Variants in ADK observed in about 807,000 individuals in gnomAD.
ADK encodes the protein N6,N6-dimethyladenosine kinase.
Under a neutral mutation model 44.7 loss-of-function variants are expected in ADK, and 24 were observed. The ratio of observed to expected loss-of-function variants is 0.54; its 90% CI spans 0.39 to 0.76. The LOEUF (loss-of-function observed/expected upper bound fraction) is 0.76, where lower values mean the gene tolerates loss of function less well. Among genes scored for constraint, ADK ranks in the 30% least tolerant of loss-of-function variants. The pLI, the probability that ADK is intolerant of heterozygous loss-of-function variation, is 0.00. For missense variants in ADK, 321 were observed against 425.1 expected, an observed-to-expected ratio of 0.76 and a Z score of 2.15; for synonymous variants, 128 against 142.6, an observed-to-expected ratio of 0.90 and a Z score of 0.73.
intron 7 of ADK, among the ~76,000 whole-genome samples, chr10:74,556,701 T>G (rs1850259997): frequency 6.6e-6 from 1 of 152,176 alleles, no homozygotes; most frequent in South Asian, 2.1e-4. Context: ...TAGGACTCTG[T>G]TTTAGAATTT....
intron 10 of ADK, among the ~76,000 whole-genome samples, chr10:74,671,640 T>G (rs1183676427): frequency 1.3e-5 from 2 of 152,266 alleles, no homozygotes; most frequent in Non-Finnish European, 2.9e-5. Flanking sequence ...AATATTTTAT[T>G]CTGAATTTAA....
chr10:74,620,068 C>A (rs1852929405), intron 9 of ADK, among the ~76,000 whole-genome samples: 1 of 152,134 alleles, frequency 6.6e-6, no homozygotes, highest in Non-Finnish European at 1.5e-5. Context: ...CAGAGCAGAG[C>A]AATTAGCATA....
intron 3 of ADK, among the ~76,000 whole-genome samples, chr10:74,306,169 A>G (rs528394894): frequency 2.0e-5 from 3 of 151,958 alleles, no homozygotes; most frequent in Admixed American, 1.3e-4. Context: ...TGTCCTGCAG[A>G]TTGGAAAATT....
chr10:74,510,963 C>T (rs1848294714), intron 6 of ADK, among the ~76,000 whole-genome samples: 1 of 152,220 alleles, frequency 6.6e-6, no homozygotes, highest in African/African-American at 2.4e-5. Flanking sequence ...CTGCCTTGAC[C>T]TCCCAAGATG....
intron 6 of ADK, among the ~76,000 whole-genome samples, chr10:74,458,065 ATCT>A (rs1439110909): frequency 1.3e-5 from 2 of 151,074 alleles, no homozygotes; most frequent in African/African-American, 4.9e-5. Context: ...GGTATTTCAC[ATCT>A]TCTTGAATGT....
chr10:74,424,535 C>CAAAAAAAAAAAAAAAA (rs57106986), intron 6 of ADK, among the ~76,000 whole-genome samples: 10 of 58,460 alleles, frequency 1.7e-4, no homozygotes, highest in African/African-American at 7.3e-4. Flanking sequence ...AACTCCGTCT[C>CAAAAAAAAAAAAAAAA]AAAAAAAAAA....
intron 10 of ADK, among the ~76,000 whole-genome samples, chr10:74,670,851 T>C (rs1418262395): frequency 6.6e-6 from 1 of 152,068 alleles, no homozygotes; most frequent in African/African-American, 2.4e-5. Context: ...CTTGGCTTGA[T>C]GACTTAGATT....
intron 6 of ADK, among the ~76,000 whole-genome samples, chr10:74,470,863 A>G (rs1846559730): frequency 6.6e-6 from 1 of 151,914 alleles, no homozygotes. Flanking sequence ...TACCAAATTC[A>G]TTGCTGTGAA....
chr10:74,578,002 G>A (rs1328539752), intron 7 of ADK, among the ~76,000 whole-genome samples: 1 of 151,926 alleles, frequency 6.6e-6, no homozygotes, highest in Non-Finnish European at 1.5e-5. Context: ...CCAGAGTAGA[G>A]TAAGTTACGG....
At chr10:74,191,286 T>G (rs1842943631) in intron 1 of ADK, among the ~76,000 whole-genome samples, 1 of 152,036 alleles carries the variant, frequency 6.6e-6, no homozygotes. Context: ...GCCCAAGTCT[T>G]GACATTTTTT....
intron 7 of ADK, among the ~76,000 whole-genome samples, chr10:74,584,982 T>C (rs1254844014): frequency 1.3e-5 from 2 of 152,214 alleles, no homozygotes; most frequent in Non-Finnish European, 2.9e-5. Context: ...AGATGAAATA[T>C]AGAGAAAGTT....
chr10:74,330,500 C>T (rs911719803), intron 4 of ADK, among the ~76,000 whole-genome samples: 1 of 152,150 alleles, frequency 6.6e-6, no homozygotes, highest in African/African-American at 2.4e-5. Flanking sequence ...CCTAATTTCC[C>T]TTCTCTTGAA....
chr10:74,662,208 T>C (rs904494528), intron 9 of ADK, among the ~76,000 whole-genome samples: 1 of 152,218 alleles, frequency 6.6e-6, no homozygotes, highest in Non-Finnish European at 1.5e-5. Context: ...CCAAGGATTC[T>C]TGGTAAGTAG....
intron 6 of ADK, among the ~76,000 whole-genome samples, chr10:74,446,188 T>C (rs1359504805): frequency 6.6e-6 from 1 of 152,072 alleles, no homozygotes; most frequent in African/African-American, 2.4e-5. Flanking sequence ...ATTCTAATTA[T>C]TTGACCCTTT....
chr10:74,372,570 C>A (rs936336222), intron 4 of ADK, among the ~76,000 whole-genome samples: 5 of 150,744 alleles, frequency 3.3e-5, no homozygotes, highest in African/African-American at 1.2e-4. Flanking sequence ...TATTAATGGG[C>A]AAATTGAAAA....
intron 4 of ADK, among the ~76,000 whole-genome samples, chr10:74,392,559 T>G (rs1843371541): frequency 6.6e-6 from 1 of 152,156 alleles, no homozygotes; most frequent in South Asian, 2.1e-4. Context: ...GATATTAACC[T>G]TTCATTGGAT....
At chr10:74,592,935 G>A (rs1032766791) in intron 8 of ADK, among the ~76,000 whole-genome samples, 1 of 152,164 alleles carries the variant, frequency 6.6e-6, no homozygotes, top group Non-Finnish European at 1.5e-5. Flanking sequence ...GTACTCTATA[G>A]ACTATGTAGC....
intron 10 of ADK, among the ~76,000 whole-genome samples, chr10:74,675,815 G>A (rs1855365847): frequency 6.6e-6 from 1 of 152,104 alleles, no homozygotes; most frequent in Non-Finnish European, 1.5e-5. Flanking sequence ...CAAATAACAT[G>A]AAAGAGGACC....
intron 7 of ADK, among the ~76,000 whole-genome samples, chr10:74,538,246 T>C (rs1224295450): frequency 6.8e-6 from 1 of 147,512 alleles, no homozygotes; most frequent in South Asian, 2.1e-4. Flanking sequence ...AGAGCGAGAC[T>C]CCGTCTCACA....
Sources: allele counts gnomAD v4.1 joint callset (sites outside exome capture counted in the v4.1 genomes callset), GRCh38; gene constraint gnomAD v4.1.1; transcripts MANE v1.5; gene names NCBI Gene and HGNC (gene_info 2026-07-23, HGNC 2026-07-21).